AFF3: variants seen among roughly 807,000 people sequenced by gnomAD.
AFF3 encodes AF4/FMR2 family member 3.
In AFF3, 32 loss-of-function variants were observed where a neutral mutation model predicts 129.7. The observed-to-expected ratio is 0.25, with a 90% CI of 0.19 to 0.33. The LOEUF is 0.33. Among genes scored for constraint, AFF3 ranks in the 10% least tolerant of loss-of-function variants. The pLI, the probability that AFF3 is intolerant of heterozygous loss-of-function variation, is 1.00. For synonymous variants in AFF3, 644 were observed against 635.4 expected, an observed-to-expected ratio of 1.01 and a Z score of -0.20; for missense variants, 1,373 against 1,592.0, an observed-to-expected ratio of 0.86 and a Z score of 2.34.
intron 8 of AFF3, among the ~76,000 whole-genome samples, chr2:99,772,765 C>A (rs1489657546): frequency 2.0e-5 from 3 of 152,196 alleles, no homozygotes; most frequent in African/African-American, 7.2e-5. Context: ...ATTCTAGAAC[C>A]ATCTATCATT....
At chr2:99,866,163 G>A (rs541174180) in intron 7 of AFF3, among the ~76,000 whole-genome samples, 125 of 152,258 alleles carry the variant, frequency 8.2e-4, no homozygotes, top group African/African-American at 2.9e-3. Context: ...CCACCTCAGA[G>A]AGGTTTACAA....
intron 7 of AFF3, among the ~76,000 whole-genome samples, chr2:99,862,725 G>A (rs1346544443): frequency 6.6e-6 from 1 of 152,238 alleles, no homozygotes; most frequent in Non-Finnish European, 1.5e-5. Context: ...GTGTTAGCCT[G>A]CCAAAGGCAA....
chr2:99,754,525 G>A (rs1681927296), intron 8 of AFF3, among the ~76,000 whole-genome samples: 1 of 152,132 alleles, frequency 6.6e-6, no homozygotes, highest in African/African-American at 2.4e-5. Flanking sequence ...TTCTCTGACT[G>A]TAGCTAAAAT....
chr2:99,698,131 TC>T (rs34747101), intron 11 of AFF3, among the ~76,000 whole-genome samples: 1 of 152,178 alleles, frequency 6.6e-6, no homozygotes, highest in Non-Finnish European at 1.5e-5. Context: ...TCTCTGAACT[TC>T]CCACCAGCAT....
At chr2:99,985,587 A>G (rs1167829253) in intron 7 of AFF3, among the ~76,000 whole-genome samples, 1 of 152,242 alleles carries the variant, frequency 6.6e-6, no homozygotes, top group Non-Finnish European at 1.5e-5. Context: ...CCCCACTACC[A>G]TGAGAAAGAA....
At chr2:99,708,025 C>T (rs912679340) in intron 11 of AFF3, among the ~76,000 whole-genome samples, 1 of 152,104 alleles carries the variant, frequency 6.6e-6, no homozygotes, top group Non-Finnish European at 1.5e-5. Flanking sequence ...TACAGGATGC[C>T]TAGTTAAATT....
rs58303232 is a variant in AFF3, at chr2:99,724,271, C to CTTTTTTT, written c.1091+2799_1091+2805dup. On this transcript the variant is annotated intron_variant, in intron 11 of 24. Coordinates refer to ENST00000672756, the MANE Select transcript of AFF3 (RefSeq NM_001386135.1). ...TCCTCACTTCAGTGGAATGACCTTT[C>CTTTTTTT]TTTTTTTTTTTTTTTTTTTGAGACA... Among the ~76,000 whole-genome samples, 151 of 66,828 alleles carry CTTTTTTT rather than the reference C, an allele frequency of 2.3e-3. 33 individuals carry two copies. The highest frequency in any genetic ancestry group is 4.2e-3 in the African/African-American group (64 of 15,246). The allele number at this position is 66,828 out of a possible 152,430, so 43.8% of individuals were successfully genotyped here.
chr2:99,810,149 G>A (rs189165770), intron 8 of AFF3, among the ~76,000 whole-genome samples: 1 of 152,288 alleles, frequency 6.6e-6, no homozygotes, highest in African/African-American at 2.4e-5. Flanking sequence ...GATCCTTGGG[G>A]GCTTGAACCA....
rs553124046 is a variant in AFF3, at chr2:99,820,844, C to T, written c.921+16633G>A. ...TAGGCCCACACAGGGCCAGGATCAT[C>T]AATATCACTGTCTTCTCCTCCACAT... On this transcript the variant is annotated intron_variant, in intron 8 of 24. Transcript: ENST00000672756. Among the ~76,000 whole-genome samples the T allele has an allele frequency of 2.1e-4, 31 of 145,914 alleles. 1 individual carries two copies. In the South Asian group the frequency reaches 6.8e-3, roughly 32 times the overall value.
rs1674061215 is a variant in AFF3, at chr2:99,545,877, G to A, written c.*5597C>T. On this transcript the variant is annotated 3_prime_UTR_variant, in exon 25 of 25. Coordinates refer to ENST00000672756, the MANE Select transcript of AFF3 (RefSeq NM_001386135.1). ...GGGCAGATGTAATTAGTTTGAGAAC[G>A]GAGTTTATAATTTTCCTCATGCCAA... The A allele has an allele frequency of 5.2e-6, 1 of 191,704 alleles. No individual in the cohort carries two copies. The highest frequency in any genetic ancestry group is 2.3e-5 in the African/African-American group (1 of 42,942). The allele number at this position is 191,704 out of a possible 1,614,324, so 11.9% of individuals were successfully genotyped here. A position where few individuals can be genotyped will look rare whatever the true frequency, so the allele number is the denominator to read the frequency against.
intron 7 of AFF3, among the ~76,000 whole-genome samples, chr2:99,970,396 T>C (rs897600218): frequency 2.6e-5 from 4 of 152,084 alleles, no homozygotes; most frequent in African/African-American, 7.2e-5. Flanking sequence ...CTAGAAAACA[T>C]CTCCCTCCCT....
intron 8 of AFF3, among the ~76,000 whole-genome samples, chr2:99,768,115 C>A (rs1474356923): frequency 6.6e-6 from 1 of 152,102 alleles, no homozygotes; most frequent in Non-Finnish European, 1.5e-5. Flanking sequence ...CATATGTGAT[C>A]CCTGGTGGGT....
chr2:99,614,252 C>T lies in AFF3; in HGVS notation c.1185-12631G>A, dbSNP rs142271435. 2.8e-3 allele frequency among the ~76,000 whole-genome samples: 430 copies of T among 152,306 alleles called. 2 individuals are homozygous for T. Among genetic ancestry groups the T allele is most frequent in the Middle Eastern group, 6.8e-3 (2 of 294 alleles). On this transcript the variant is annotated intron_variant, in intron 13 of 24. Transcript: ENST00000672756. ...TAGGGAACAATAAAAGTCAACAGAA[C>T]CTGCCACATTTAGCAGAGGAGAAAC...
At chr2:99,649,249 G>A (rs112920099) in intron 13 of AFF3, among the ~76,000 whole-genome samples, 11 of 152,170 alleles carry the variant, frequency 7.2e-5, no homozygotes, top group East Asian at 1.9e-4. Flanking sequence ...GATAGCTCCC[G>A]GTGAAATGAT....
chr2:99,636,603 C>T (rs1479835762), intron 13 of AFF3, among the ~76,000 whole-genome samples: 3 of 152,146 alleles, frequency 2.0e-5, no homozygotes, highest in African/African-American at 7.2e-5. Flanking sequence ...TTTGGCGGAT[C>T]GAATGGCTGT....
chr2:99,896,461 G>C (rs1693951123), intron 7 of AFF3, among the ~76,000 whole-genome samples: 2 of 151,868 alleles, frequency 1.3e-5, no homozygotes, highest in African/African-American at 4.8e-5. Flanking sequence ...TCTGGTTCTT[G>C]GAGTTATCTT....
At chr2:99,907,946 C>T (rs1344335711) in intron 7 of AFF3, among the ~76,000 whole-genome samples, 2 of 152,182 alleles carry the variant, frequency 1.3e-5, no homozygotes, top group Non-Finnish European at 2.9e-5. Context: ...AGTCTTGATT[C>T]GAGTGAATGA....
chr2:100,045,587 AG>A (rs1336123026), intron 4 of AFF3, among the ~76,000 whole-genome samples: 2 of 151,438 alleles, frequency 1.3e-5, no homozygotes, highest in African/African-American at 4.8e-5. Flanking sequence ...TTTTGATAAA[AG>A]TTACAGCAAA....
At chr2:99,650,589 A>T (rs1022167565) in intron 12 of AFF3, among the ~76,000 whole-genome samples, 2 of 151,956 alleles carry the variant, frequency 1.3e-5, no homozygotes, top group African/African-American at 4.8e-5. Context: ...AAAAAAATTT[A>T]AAAAATACAG....
Sources: gnomAD v4.1 joint callset for allele counts (sites outside exome capture counted in the v4.1 genomes callset) on GRCh38, gnomAD v4.1.1 for gene constraint, MANE v1.5 for transcripts, NCBI Gene and HGNC (gene_info 2026-07-23, HGNC 2026-07-21) for gene names.